ADGRL4: variants seen among roughly 807,000 people sequenced by gnomAD.
ADGRL4 encodes EGF, latrophilin and seven transmembrane domain containing 1.
A neutral mutation model predicts 74.8 loss-of-function variants in ADGRL4; 90 were observed. The ratio of observed to expected loss-of-function variants is 1.20; its 90% CI spans 1.02 to 1.43. The LOEUF (loss-of-function observed/expected upper bound fraction) is 1.43. Among genes scored for constraint, ADGRL4 ranks in the 40% most tolerant of loss-of-function variants. The probability of loss-of-function intolerance (pLI) is 0.00; values close to 1 mark genes in which losing one functional copy is unlikely to be tolerated. For synonymous variants in ADGRL4, 311 were observed against 279.2 expected, an observed-to-expected ratio of 1.11 and a Z score of -1.14; for missense variants, 881 against 814.3, an observed-to-expected ratio of 1.08 and a Z score of -1.00.
chr1:78,939,145 C>T (rs954566322), intron 4 of ADGRL4, 43 bp downstream of exon 4: 25 of 1,503,274 alleles, frequency 1.7e-5, no homozygotes, highest in Non-Finnish European at 2.1e-5. Context: ...TTAATTGAAA[C>T]CAAAATGTCA....
Position 78,938,278 on chromosome 1 carries a change from A to G in ADGRL4, c.398T>C (p.Ile133Thr). The G allele has an allele frequency of 6.4e-7, 1 of 1,565,372 alleles. No individual in the cohort carries two copies. The highest frequency in any genetic ancestry group is 8.6e-7 in the Non-Finnish European group (1 of 1,163,384). ...AANINKTLTK[I>T]RSIKEPVALL... ...AGCCACAGGTTCTTTTATGGATCTGATCTGAGAAAAAATGAGTCCAGAAAA... is the reference window on the plus strand; with the variant it reads ...AGCCACAGGTTCTTTTATGGATCTGGTCTGAGAAAAAATGAGTCCAGAAAA... The change falls in exon 5 of 15, where the codon ATC (isoleucine) becomes ACC (threonine). Residue 133 changes from isoleucine (I) to threonine (T), a missense_variant and splice_region_variant. By Grantham distance (89) the Ile-to-Thr change is moderately conservative. Coordinates refer to ENST00000370742, the MANE Select transcript of ADGRL4 (RefSeq NM_022159.4).
intron 2 of ADGRL4, among the ~76,000 whole-genome samples, chr1:78,969,708 T>TTTTTTGG (rs1491147744): frequency 5.4e-5 from 2 of 36,844 alleles, no homozygotes; most frequent in African/African-American, 2.3e-4. Context: ...GATTTGTGGG[T>TTTTTTGG]TTTTTTTTTT....
chr1:78,968,838 T>C (rs1412324032), intron 2 of ADGRL4, among the ~76,000 whole-genome samples: 1 of 152,212 alleles, frequency 6.6e-6, no homozygotes, highest in Non-Finnish European at 1.5e-5. Context: ...TTTCAAAAGA[T>C]GGCTTATAAT....
chr1:78,906,895 C>A (rs570886429), intron 12 of ADGRL4, among the ~76,000 whole-genome samples: 2 of 151,978 alleles, frequency 1.3e-5, no homozygotes, highest in African/African-American at 4.8e-5. Context: ...GATTTTCCCC[C>A]AAATTATTAA....
chr1:78,987,218 C>T (rs74375654), intron 2 of ADGRL4, among the ~76,000 whole-genome samples: 4,418 of 151,768 alleles, frequency 0.029, 98 homozygotes, highest in Non-Finnish European at 0.04. Flanking sequence ...GACAGGTCAT[C>T]GTGATATACT....
chr1:78,897,720 C>A (rs1648427831), intron 12 of ADGRL4, among the ~76,000 whole-genome samples: 1 of 152,052 alleles, frequency 6.6e-6, no homozygotes, highest in Non-Finnish European at 1.5e-5. Context: ...TTTCATTACT[C>A]AAAATTTCCT....
intron 2 of ADGRL4, among the ~76,000 whole-genome samples, chr1:78,993,773 C>G (rs1006994922): frequency 1.3e-5 from 2 of 152,032 alleles, no homozygotes; most frequent in African/African-American, 4.8e-5. Flanking sequence ...CGGGGTTTCA[C>G]TGTGTTAGCT....
At chr1:78,997,831 A>T (rs1053964675) in intron 2 of ADGRL4, among the ~76,000 whole-genome samples, 9 of 152,178 alleles carry the variant, frequency 5.9e-5, no homozygotes, top group Admixed American at 2.0e-4. Context: ...TCTCTGAAGT[A>T]AAAGAGATTT....
chr1:78,943,133 TA>T (rs1649527138), intron 3 of ADGRL4, among the ~76,000 whole-genome samples: 1 of 152,076 alleles, frequency 6.6e-6, no homozygotes, highest in South Asian at 2.1e-4. Flanking sequence ...TCAATTATAG[TA>T]AATTATTTTC....
At chr1:78,970,910 G>T (rs1650154839) in intron 2 of ADGRL4, among the ~76,000 whole-genome samples, 1 of 152,138 alleles carries the variant, frequency 6.6e-6, no homozygotes, top group African/African-American at 2.4e-5. Context: ...AGGCCAACAT[G>T]ATGACAAAAG....
chr1:78,917,886 G>A lies in ADGRL4; in HGVS notation c.1626C>T (p.Ala542=), dbSNP rs77643573. 4,151 of 1,612,436 alleles carry A rather than the reference G, an allele frequency of 2.6e-3. 68 individuals carry two copies. The African/African-American group carries it at 0.043, about 17-fold the overall frequency. The change falls in exon 11 of 15, where the codon GCC becomes GCT. Residue 542 remains alanine, a synonymous_variant. Transcript: ENST00000370742. ...NFYIFGYLSP[A]VVVGFSAALG... Reference sequence around the variant, plus strand: ...GTGCTGCCGAAAATCCAACTACCACGGCTGGGCTTAGATAGCCAAAGATAT... The same window carrying A: ...GTGCTGCCGAAAATCCAACTACCACAGCTGGGCTTAGATAGCCAAAGATAT...
At chr1:78,896,456 C>A (rs919839526) in intron 12 of ADGRL4, among the ~76,000 whole-genome samples, 27 of 152,032 alleles carry the variant, frequency 1.8e-4, no homozygotes, top group African/African-American at 6.5e-4. Context: ...TGCAAATAAC[C>A]TATTTTTTTC....
At chr1:78,897,417 A>G (rs563781588) in intron 12 of ADGRL4, among the ~76,000 whole-genome samples, 3 of 152,268 alleles carry the variant, frequency 2.0e-5, no homozygotes, top group African/African-American at 7.2e-5. Flanking sequence ...CTTGCCATTC[A>G]GTAGGAATCC....
intron 2 of ADGRL4, among the ~76,000 whole-genome samples, chr1:78,961,963 C>A (rs764931646): frequency 4.6e-5 from 7 of 151,886 alleles, no homozygotes; most frequent in Non-Finnish European, 1.0e-4. Context: ...TCACTGCAAC[C>A]CCTGCCTCCC....
At chr1:78,921,119 GTCATGAAACTAT>G (rs1648990801) in intron 9 of ADGRL4, among the ~76,000 whole-genome samples, 1 of 151,818 alleles carries the variant, frequency 6.6e-6, no homozygotes, top group African/African-American at 2.4e-5. Context: ...TAAGATAAAT[GTCATGAAACTAT>G]TCACCTTAGA....
At position 78,890,110 on chromosome 1, in the gene ADGRL4, G is replaced by A. The variant is rs566105015; in HGVS notation, c.*1044C>T. On this transcript the variant is annotated 3_prime_UTR_variant, in exon 15 of 15. Transcript: ENST00000370742. ...ATTGTTAACAATAACAATTTTAAGT[G>A]TGTACTTTTCTGAACAGAAAAAATA... 6.3e-6 allele frequency: 1 copy of A among 157,772 alleles called. No individual in the cohort carries two copies. Among genetic ancestry groups the A allele is most frequent in the East Asian group, 1.9e-4 (1 of 5,248 alleles). The allele number at this position is 157,772 out of a possible 1,614,324, so 9.8% of individuals were successfully genotyped here.
chr1:78,896,240 C>A (rs1160884580), intron 12 of ADGRL4, among the ~76,000 whole-genome samples: 2 of 151,954 alleles, frequency 1.3e-5, no homozygotes, highest in African/African-American at 4.8e-5. Flanking sequence ...TACTTTTTGT[C>A]CCTTCATTAT....
intron 8 of ADGRL4, among the ~76,000 whole-genome samples, chr1:78,923,623 A>G (rs1412892023): frequency 6.6e-6 from 1 of 152,028 alleles, no homozygotes; most frequent in Non-Finnish European, 1.5e-5. Context: ...ATGATGCAGG[A>G]AGCAGAAAAT....
At chr1:78,999,624 T>C (rs1328290108) in intron 2 of ADGRL4, among the ~76,000 whole-genome samples, 1 of 152,124 alleles carries the variant, frequency 6.6e-6, no homozygotes, top group Non-Finnish European at 1.5e-5. Context: ...TTTACATTCC[T>C]AGCAGCTTCA....
Sources: gnomAD v4.1 joint callset for allele counts (sites outside exome capture counted in the v4.1 genomes callset) on GRCh38, gnomAD v4.1.1 for gene constraint, MANE v1.5 for transcripts, NCBI Gene and HGNC (gene_info 2026-07-23, HGNC 2026-07-21) for gene names.